Variants in FHIT observed in about 807,000 individuals in gnomAD.
FHIT encodes bis(5'-adenosyl)-triphosphatase.
A neutral mutation model predicts 17.9 loss-of-function variants in FHIT; 19 were observed. The ratio of observed to expected loss-of-function variants is 1.06; its 90% confidence interval spans 0.74 to 1.56. The LOEUF (loss-of-function observed/expected upper bound fraction) is 1.56. FHIT is among the 40% of genes most tolerant of loss of function. The pLI, the probability that FHIT is intolerant of heterozygous loss-of-function variation, is 0.00. For missense variants in FHIT, 248 were observed against 189.2 expected (o/e 1.31, Z -1.82); for synonymous variants, 81 against 69.7 (o/e 1.16, Z -0.81).
At chr3:59,984,561 G>A (rs891202166) in intron 7 of FHIT, among the ~76,000 whole-genome samples, 1 of 152,048 alleles carries the variant, frequency 6.6e-6, no homozygotes. Flanking sequence ...ACACCAGCAA[G>A]AGAAAGCCCC....
At chr3:60,365,519 T>G (rs1273013444) in intron 5 of FHIT, among the ~76,000 whole-genome samples, 2 of 152,192 alleles carry the variant, frequency 1.3e-5, no homozygotes, top group Non-Finnish European at 2.9e-5. Context: ...AATGACTCAT[T>G]AAAACAACTT....
intron 8 of FHIT, among the ~76,000 whole-genome samples, chr3:59,872,016 A>G (rs1483500574): frequency 6.6e-6 from 1 of 152,228 alleles, no homozygotes; most frequent in African/African-American, 2.4e-5. Context: ...GATTAGATGT[A>G]TCTCAGATTA....
chr3:60,055,448 C>CTG (rs540752770), intron 5 of FHIT, among the ~76,000 whole-genome samples: 1 of 143,114 alleles, frequency 7.0e-6, no homozygotes, highest in African/African-American at 2.6e-5. Context: ...GATGGACTTT[C>CTG]TTTTTTTTTT....
intron 3 of FHIT, among the ~76,000 whole-genome samples, chr3:60,874,767 G>A (rs1310948691): frequency 6.6e-6 from 1 of 152,058 alleles, no homozygotes; most frequent in Non-Finnish European, 1.5e-5. Flanking sequence ...TGGCAGGAGA[G>A]ATTTAAGACT....
chr3:60,194,061 AT>A (rs537714567), intron 5 of FHIT, among the ~76,000 whole-genome samples: 1 of 152,076 alleles, frequency 6.6e-6, no homozygotes, highest in Non-Finnish European at 1.5e-5. Flanking sequence ...TCAAAAAACC[AT>A]TTTTTTCACA....
intron 5 of FHIT, among the ~76,000 whole-genome samples, chr3:60,336,186 C>G (rs374619697): frequency 1.3e-5 from 2 of 152,310 alleles, no homozygotes; most frequent in South Asian, 4.2e-4. Context: ...AAAGCCGAAC[C>G]AAGTTGGGGC....
At chr3:61,045,485 A>G (rs565706054) in intron 2 of FHIT, among the ~76,000 whole-genome samples, 5 of 152,316 alleles carry the variant, frequency 3.3e-5, no homozygotes, top group African/African-American at 1.2e-4. Flanking sequence ...CCAGATTCAT[A>G]AAGCAAGACC....
intron 5 of FHIT, among the ~76,000 whole-genome samples, chr3:60,437,312 G>A (rs1307523230): frequency 6.6e-6 from 1 of 152,048 alleles, no homozygotes; most frequent in Non-Finnish European, 1.5e-5. Context: ...TACAATAAAA[G>A]GGAGTGATTA....
At chr3:60,703,483 C>A (rs376780346) in intron 4 of FHIT, among the ~76,000 whole-genome samples, 6 of 152,092 alleles carry the variant, frequency 3.9e-5, no homozygotes, top group African/African-American at 1.4e-4. Context: ...CAATTCAGAA[C>A]CAGTTTGTAA....
chr3:60,695,836 A>G (rs1397552993), intron 4 of FHIT, among the ~76,000 whole-genome samples: 1 of 152,190 alleles, frequency 6.6e-6, no homozygotes, highest in Non-Finnish European at 1.5e-5. Flanking sequence ...AAGTAATAAT[A>G]ACCATTATGA....
intron 4 of FHIT, among the ~76,000 whole-genome samples, chr3:60,698,921 C>T (rs776709218): frequency 1.3e-5 from 2 of 152,244 alleles, no homozygotes; most frequent in Admixed American, 6.5e-5. Context: ...TGACTTTTAA[C>T]AGTCTGGTGT....
intron 5 of FHIT, among the ~76,000 whole-genome samples, chr3:60,123,999 TATATATATATAG>T (rs1285664079): frequency 3.6e-4 from 11 of 30,916 alleles, no homozygotes; most frequent in African/African-American, 1.1e-3. Context: ...TATATATATA[TATATATATATAG>T]AGAGAGAGAG....
intron 3 of FHIT, among the ~76,000 whole-genome samples, chr3:61,034,599 A>G (rs1316484245): frequency 6.6e-6 from 1 of 152,222 alleles, no homozygotes; most frequent in Admixed American, 6.5e-5. Context: ...CACACCTAAT[A>G]GGATGGCTAT....
intron 5 of FHIT, among the ~76,000 whole-genome samples, chr3:60,116,896 G>A (rs1377121496): frequency 2.0e-5 from 3 of 151,558 alleles, no homozygotes; most frequent in Non-Finnish European, 4.4e-5. Flanking sequence ...TATTTTTTGA[G>A]TTATTTACCG....
At chr3:60,048,963 A>G (rs1007945707) in intron 5 of FHIT, among the ~76,000 whole-genome samples, 1 of 152,144 alleles carries the variant, frequency 6.6e-6, no homozygotes, top group African/African-American at 2.4e-5. Context: ...TTTAACCCTG[A>G]GTGTCTAGAA....
At chr3:59,900,739 G>A (rs1357086905) in intron 8 of FHIT, among the ~76,000 whole-genome samples, 1 of 152,104 alleles carries the variant, frequency 6.6e-6, no homozygotes, top group African/African-American at 2.4e-5. Context: ...TCAGCCTCCT[G>A]AGTAACTGTG....
chr3:60,031,009 C>G (rs1700975981), intron 5 of FHIT, among the ~76,000 whole-genome samples: 1 of 152,142 alleles, frequency 6.6e-6, no homozygotes, highest in Non-Finnish European at 1.5e-5. Flanking sequence ...AGAATTCTTC[C>G]AATGGGTGAT....
At chr3:61,238,962 T>A (rs55699767) in intron 1 of FHIT, among the ~76,000 whole-genome samples, 14,507 of 151,890 alleles carry the variant, frequency 0.096, 742 homozygotes, top group Admixed American at 0.11. Context: ...CAGAACCTAG[T>A]GAAGGAAATG....
chr3:59,752,194 T>G, intron 9 of FHIT, 27 bp downstream of exon 9: 2 of 1,533,924 alleles, frequency 1.3e-6, no homozygotes, highest in Non-Finnish European at 1.8e-6. Context: ...CGGGAGGGTC[T>G]GGGTAATGAC....
Sources: allele counts gnomAD v4.1 joint callset (sites outside exome capture counted in the v4.1 genomes callset), GRCh38; gene constraint gnomAD v4.1.1; transcripts MANE v1.5; gene names NCBI Gene and HGNC (gene_info 2026-07-23, HGNC 2026-07-21).